Variants in PTPRM observed in about 807,000 individuals in gnomAD.
The protein encoded by PTPRM is protein tyrosine phosphatase receptor type M, also known as receptor-type tyrosine-protein phosphatase mu.
A neutral mutation model predicts 186.7 loss-of-function variants in PTPRM; 47 were observed. The ratio of observed to expected loss-of-function variants is 0.25; its 90% CI spans 0.20 to 0.32. The LOEUF (loss-of-function observed/expected upper bound fraction) is 0.32. Among genes scored for constraint, PTPRM ranks in the 10% least tolerant of loss-of-function variants. The pLI, the probability that PTPRM is intolerant of heterozygous loss-of-function variation, is 1.00. For missense variants in PTPRM, 1,494 were observed against 1,865.0 expected (o/e 0.80, Z 3.66); for synonymous variants, 668 against 674.9 (o/e 0.99, Z 0.16).
intron 7 of PTPRM, among the ~76,000 whole-genome samples, chr18:8,043,162 G>A (rs1169107289): frequency 5.3e-5 from 8 of 152,270 alleles, no homozygotes. Context: ...TGTATAGCCT[G>A]TTTTATCTTG....
chr18:8,208,160 C>T (rs763019008), intron 14 of PTPRM, among the ~76,000 whole-genome samples: 12 of 152,310 alleles, frequency 7.9e-5, no homozygotes, highest in Non-Finnish European at 1.3e-4. Context: ...TGGCCTGATG[C>T]GTGCTCTCCT....
At chr18:8,231,462 C>T (rs1414812940) in intron 14 of PTPRM, among the ~76,000 whole-genome samples, 1 of 152,182 alleles carries the variant, frequency 6.6e-6, no homozygotes, top group Non-Finnish European at 1.5e-5. Context: ...TGTCCTGCAG[C>T]TCTCCCATAG....
At chr18:7,916,106 C>T (rs370122673) in intron 4 of PTPRM, among the ~76,000 whole-genome samples, 4 of 151,942 alleles carry the variant, frequency 2.6e-5, no homozygotes, top group African/African-American at 7.3e-5. Flanking sequence ...AAAGGTGGGA[C>T]GGGGAAAGAG....
intron 14 of PTPRM, among the ~76,000 whole-genome samples, chr18:8,177,752 T>A (rs2093507758): frequency 6.6e-6 from 1 of 152,148 alleles, no homozygotes; most frequent in Non-Finnish European, 1.5e-5. Flanking sequence ...TAGAGTACAT[T>A]TGGAAAAGGG....
At chr18:8,047,670 A>G (rs1018270218) in intron 7 of PTPRM, among the ~76,000 whole-genome samples, 3 of 152,006 alleles carry the variant, frequency 2.0e-5, no homozygotes, top group Admixed American at 6.6e-5. Flanking sequence ...CTCATCCCCA[A>G]TAGTGCTCCC....
chr18:8,168,580 A>G (rs2093355402), intron 14 of PTPRM, among the ~76,000 whole-genome samples: 2 of 152,148 alleles, frequency 1.3e-5, no homozygotes, highest in South Asian at 4.1e-4. Context: ...TTCCATATTC[A>G]CTTTTCTTAA....
chr18:8,368,811 C>G (rs1456055906), intron 23 of PTPRM, among the ~76,000 whole-genome samples: 1 of 152,190 alleles, frequency 6.6e-6, no homozygotes, highest in Admixed American at 6.5e-5. Context: ...TATATGTATA[C>G]ATTGCATATT....
At chr18:8,392,506 A>G (rs2095820487) in intron 31 of PTPRM, among the ~76,000 whole-genome samples, 2 of 152,230 alleles carry the variant, frequency 1.3e-5, no homozygotes, top group African/African-American at 4.8e-5. Context: ...AGGTGCCTGT[A>G]GTCCCAGCTA....
chr18:8,099,218 C>A (rs772853303), intron 11 of PTPRM, among the ~76,000 whole-genome samples: 1 of 151,854 alleles, frequency 6.6e-6, no homozygotes, highest in South Asian at 2.1e-4. Flanking sequence ...CCAGATGTCA[C>A]CTCCTTGGAG....
At chr18:7,602,075 G>A (rs777692912) in intron 1 of PTPRM, among the ~76,000 whole-genome samples, 5 of 152,174 alleles carry the variant, frequency 3.3e-5, no homozygotes, top group Non-Finnish European at 7.3e-5. Context: ...GAGCACTTAA[G>A]TAACTTGCTA....
intron 32 of PTPRM, among the ~76,000 whole-genome samples, chr18:8,401,658 C>A (rs1187550413): frequency 6.6e-6 from 1 of 152,262 alleles, no homozygotes; most frequent in Non-Finnish European, 1.5e-5. Flanking sequence ...CGCTGGCCGC[C>A]AGCCTGAGTT....
chr18:8,318,473 T>C (rs1294445978), intron 21 of PTPRM, among the ~76,000 whole-genome samples: 1 of 151,766 alleles, frequency 6.6e-6, no homozygotes, highest in Non-Finnish European at 1.5e-5. Flanking sequence ...ATTTTTGTAT[T>C]TTTTGTAGAG....
intron 19 of PTPRM, among the ~76,000 whole-genome samples, chr18:8,290,757 A>G (rs2095034116): frequency 6.6e-6 from 1 of 152,208 alleles, no homozygotes; most frequent in African/African-American, 2.4e-5. Context: ...TTCGCAGTAT[A>G]TATGAGCTAA....
chr18:7,826,918 A>G (rs2145674656), intron 2 of PTPRM, among the ~76,000 whole-genome samples: 1 of 152,242 alleles, frequency 6.6e-6, no homozygotes, highest in African/African-American at 2.4e-5. Flanking sequence ...ACATGGTTAT[A>G]TCCCGTCTCT....
At position 7,567,827 on chromosome 18, in the gene PTPRM, A is replaced by AATATTAAT. The variant is rs2036462468; in HGVS notation, c.9_10insATATTAAT (p.Leu4IlefsTer16). 1 of 1,557,080 alleles carries AATATTAAT rather than the reference A, an allele frequency of 6.4e-7. No homozygotes were observed. The highest frequency in any genetic ancestry group is 8.7e-7 in the Non-Finnish European group (1 of 1,155,748). ...GGCCCGCACTCAGCACCATGAGGGG[A>AATATTAAT]CTTGGGACTTGCCTGGCGACTTTGG... On this transcript the variant is annotated frameshift_variant, in exon 1 of 33. Coordinates refer to ENST00000580170, the MANE Select transcript of PTPRM (RefSeq NM_001105244.2). LOFTEE classifies it high-confidence loss of function. The surrounding 1 kb of genome is among the most constrained non-coding windows in gnomAD (Gnocchi z 4.3).
intron 2 of PTPRM, among the ~76,000 whole-genome samples, chr18:7,790,677 T>A (rs905722973): frequency 6.6e-6 from 1 of 152,228 alleles, no homozygotes; most frequent in Non-Finnish European, 1.5e-5. Flanking sequence ...TCAAAAGTAT[T>A]AATTGGTGTG....
At chr18:7,735,828 A>T (rs896770334) in intron 1 of PTPRM, among the ~76,000 whole-genome samples, 18 of 150,870 alleles carry the variant, frequency 1.2e-4, no homozygotes, top group African/African-American at 4.4e-4. Flanking sequence ...AACTTCCCTT[A>T]TCTTAAAGTC....
intron 5 of PTPRM, among the ~76,000 whole-genome samples, chr18:7,932,347 C>T (rs1331754648): frequency 6.6e-6 from 1 of 152,086 alleles, no homozygotes; most frequent in Non-Finnish European, 1.5e-5. Context: ...ATTATGTAAC[C>T]TCTGAATTTG....
intron 14 of PTPRM, among the ~76,000 whole-genome samples, chr18:8,148,950 G>T (rs2092944042): frequency 6.6e-6 from 1 of 152,146 alleles, no homozygotes; most frequent in Non-Finnish European, 1.5e-5. Flanking sequence ...TTTCCCTGTA[G>T]TTGTGCTGAT....
Sources: gnomAD v4.1 joint callset for allele counts (sites outside exome capture counted in the v4.1 genomes callset) on GRCh38, gnomAD v4.1.1 for gene constraint, Gnocchi (gnomAD v3.1) non-coding constraint, MANE v1.5 for transcripts, NCBI Gene and HGNC (gene_info 2026-07-23, HGNC 2026-07-21) for gene names.